Variants in DGKB observed in about 807,000 individuals in gnomAD.
DGKB encodes the protein 90 kDa diacylglycerol kinase.
Under a neutral mutation model 114.3 loss-of-function variants are expected in DGKB, and 67 were observed. The ratio of observed to expected loss-of-function variants is 0.59; its 90% CI spans 0.48 to 0.72. The LOEUF is 0.72. Among genes scored for constraint, DGKB ranks in the 30% least tolerant of loss-of-function variants. The pLI is 0.00. For missense variants in DGKB, 907 were observed against 975.2 expected (o/e 0.93, Z 0.93); for synonymous variants, 398 against 323.1 (o/e 1.23, Z -2.49).
chr7:14,254,030 C>G (rs1795610201), intron 23 of DGKB, among the ~76,000 whole-genome samples: 1 of 152,180 alleles, frequency 6.6e-6, no homozygotes, highest in African/African-American at 2.4e-5. Flanking sequence ...ATGTGGGTCT[C>G]ACTTTTGCTG....
chr7:14,357,831 G>T (rs1380507928), intron 21 of DGKB, among the ~76,000 whole-genome samples: 1 of 152,064 alleles, frequency 6.6e-6, no homozygotes, highest in Non-Finnish European at 1.5e-5. Context: ...GTGTGTAAAG[G>T]ATTTTATTTC....
chr7:14,490,696 A>C (rs1784476948), intron 20 of DGKB, among the ~76,000 whole-genome samples: 1 of 152,296 alleles, frequency 6.6e-6, no homozygotes, highest in East Asian at 1.9e-4. Context: ...TATGACTTAG[A>C]ACTTTGTTAT....
rs567658850 is a variant in DGKB at position 14,704,028 on chromosome 7, A to C, written c.467-2298T>G. 1.9e-4 allele frequency among the ~76,000 whole-genome samples: 29 copies of C among 151,682 alleles called. No individual in the cohort carries two copies. In the South Asian group the frequency reaches 5.6e-3, roughly 29 times the overall value. On this transcript the variant is annotated intron_variant, in intron 6 of 25. Coordinates refer to ENST00000402815, the MANE Select transcript of DGKB (RefSeq NM_001350709.2). ...TCGAAAAATAGAATTCTTACTAACAAATCAGAACCCCTTTCATCCTCCCCC... is the reference window on the plus strand; with the variant it reads ...TCGAAAAATAGAATTCTTACTAACACATCAGAACCCCTTTCATCCTCCCCC...
At chr7:14,576,633 A>T (rs1020580289) in intron 19 of DGKB, among the ~76,000 whole-genome samples, 1 of 152,074 alleles carries the variant, frequency 6.6e-6, no homozygotes, top group Non-Finnish European at 1.5e-5. Context: ...AAAAGGTTGA[A>T]TTTTTTCTCA....
Position 14,219,291 on chromosome 7 carries a change from G to A in DGKB, c.2123-41140C>T, listed in dbSNP as rs78630505. On this transcript the variant is annotated intron_variant, in intron 23 of 25. Transcript: ENST00000402815. ...TTTTCATGGACTCTGACCTAAGATT[G>A]GAATTGCTGAGTCAATGTTCTAAAT... Among the ~76,000 whole-genome samples the A allele has an allele frequency of 7.1e-3, 1,074 of 151,892 alleles. 14 individuals carry two copies. The highest frequency in any genetic ancestry group is 0.025 in the African/African-American group (1,023 of 41,518).
intron 23 of DGKB, among the ~76,000 whole-genome samples, chr7:14,205,030 C>G (rs1057358733): frequency 6.6e-6 from 1 of 151,974 alleles, no homozygotes; most frequent in Non-Finnish European, 1.5e-5. Flanking sequence ...TCCCATTGCT[C>G]CAACCTATCA....
chr7:14,298,221 G>C (rs570538390), intron 23 of DGKB, among the ~76,000 whole-genome samples: 2 of 152,040 alleles, frequency 1.3e-5, no homozygotes, highest in Non-Finnish European at 2.9e-5. Flanking sequence ...ATTTCATATA[G>C]AACCAAAAAA....
chr7:14,449,367 C>T (rs1413442103), intron 21 of DGKB, among the ~76,000 whole-genome samples: 3 of 151,966 alleles, frequency 2.0e-5, no homozygotes, highest in Non-Finnish European at 4.4e-5. Flanking sequence ...GAAACTGTGT[C>T]TTTGAGAATT....
chr7:14,826,867 CTGAG>C (rs1355032138), intron 2 of DGKB, among the ~76,000 whole-genome samples: 1 of 152,082 alleles, frequency 6.6e-6, no homozygotes, highest in African/African-American at 2.4e-5. Flanking sequence ...AAGATATGCT[CTGAG>C]TGATGATAAA....
intron 2 of DGKB, among the ~76,000 whole-genome samples, chr7:14,806,811 C>T (rs1012654331): frequency 6.6e-6 from 1 of 151,678 alleles, no homozygotes. Context: ...CATTTTGCTC[C>T]AGAAGTCTCC....
upstream of DGKB, among the ~76,000 whole-genome samples, chr7:14,906,707 T>C (rs1783729337): frequency 6.6e-6 from 1 of 152,166 alleles, no homozygotes. Context: ...CACGTTGGCC[T>C]CCCAAAGTGC....
At chr7:14,584,719 T>A (rs1158373916) in intron 17 of DGKB, among the ~76,000 whole-genome samples, 1 of 151,956 alleles carries the variant, frequency 6.6e-6, no homozygotes. Context: ...AGTGCAATGG[T>A]GCAATCTCGA....
intron 1 of DGKB, among the ~76,000 whole-genome samples, chr7:14,901,393 A>T (rs1241711516): frequency 2.0e-5 from 3 of 152,190 alleles, no homozygotes; most frequent in Non-Finnish European, 4.4e-5. Flanking sequence ...CACAATTGTT[A>T]TTTCACAAAT....
At chr7:14,193,531 G>C (rs571437024) in intron 23 of DGKB, among the ~76,000 whole-genome samples, 14 of 152,232 alleles carry the variant, frequency 9.2e-5, no homozygotes, top group African/African-American at 3.4e-4. Context: ...CTCATGTTAT[G>C]TACAAAAATC....
At chr7:14,415,671 T>TGA (rs1825612223) in intron 21 of DGKB, among the ~76,000 whole-genome samples, 1 of 152,146 alleles carries the variant, frequency 6.6e-6, no homozygotes, top group African/African-American at 2.4e-5. Flanking sequence ...AGTCTATCAT[T>TGA]ATTGGACATT....
chr7:14,502,776 A>G (rs1786405450), intron 20 of DGKB, among the ~76,000 whole-genome samples: 1 of 152,070 alleles, frequency 6.6e-6, no homozygotes, highest in Non-Finnish European at 1.5e-5. Context: ...TTCACAGAGC[A>G]CCCCAACTGC....
At chr7:14,619,668 G>T (rs1192552584) in intron 15 of DGKB, among the ~76,000 whole-genome samples, 1 of 151,558 alleles carries the variant, frequency 6.6e-6, no homozygotes, top group Non-Finnish European at 1.5e-5. Flanking sequence ...TCTTGGGAGT[G>T]AAACACATAA....
intron 2 of DGKB, among the ~76,000 whole-genome samples, chr7:14,784,632 C>T (rs756241532): frequency 1.3e-5 from 2 of 152,176 alleles, no homozygotes; most frequent in African/African-American, 4.8e-5. Flanking sequence ...CCACCTCAGC[C>T]TCCCAAAGTG....
intron 21 of DGKB, among the ~76,000 whole-genome samples, chr7:14,368,569 T>TTC (rs1231842100): frequency 5.5e-4 from 65 of 118,960 alleles, no homozygotes; most frequent in Middle Eastern, 4.2e-3. Context: ...AAACGGTATT[T>TTC]TCTCTGTGTG....
Sources: gnomAD v4.1 joint callset for allele counts (sites outside exome capture counted in the v4.1 genomes callset) on GRCh38, gnomAD v4.1.1 for gene constraint, MANE v1.5 for transcripts, NCBI Gene and HGNC (gene_info 2026-07-23, HGNC 2026-07-21) for gene names.